SNURF: variants seen among roughly 807,000 people sequenced by gnomAD.
SNURF encodes SNRPN upstream open reading frame.
SNURF carries 6 observed loss-of-function variants against 11.6 expected under a neutral mutation model. The observed-to-expected ratio is 0.52, with a 90% CI of 0.28 to 1.02. SNURF has a LOEUF of 1.02. Ranked by LOEUF, SNURF falls within the 50% of genes least tolerant of loss-of-function variation. The pLI is 0.09. For missense variants in SNURF, 84 were observed against 88.4 expected (o/e 0.95, Z 0.20); for synonymous variants, 29 against 31.6 (o/e 0.92, Z 0.27).
intron 1 of SNURF, among the ~76,000 whole-genome samples, chr15:24,956,201 G>T (rs1033424571): frequency 3.3e-5 from 5 of 152,268 alleles, no homozygotes; most frequent in African/African-American, 9.6e-5. Flanking sequence ...ATGCCTGGGG[G>T]TTACTTTTTT....
chr15:24,978,503 TAG>T (rs1339513904), downstream of SNURF: 2 of 1,496,398 alleles, frequency 1.3e-6, no homozygotes, highest in African/African-American at 1.4e-5. Context: ...TGAAATTGTG[TAG>T]AGTGTTTGTG....
intron 2 of SNURF, among the ~76,000 whole-genome samples, chr15:24,962,984 A>G (rs148562456): frequency 1.8e-3 from 233 of 132,708 alleles, no homozygotes; most frequent in African/African-American, 6.9e-3. Context: ...AGTAAGTCTC[A>G]TTTTAAAGCA....
intron 3 of SNURF, chr15:24,974,216 G>A (rs2076801783): frequency 1.8e-6 from 1 of 544,766 alleles, no homozygotes; most frequent in Non-Finnish European, 3.3e-6. Flanking sequence ...GGATGTTTTT[G>A]AACGTGTCTG....
At chr15:24,965,014 C>G (rs1323933550) in intron 2 of SNURF, among the ~76,000 whole-genome samples, 1 of 152,060 alleles carries the variant, frequency 6.6e-6, no homozygotes, top group Admixed American at 6.6e-5. Context: ...TATAATTTTT[C>G]CCCCTTGTGC....
chr15:24,966,747 A>G (rs1340483500), intron 2 of SNURF, among the ~76,000 whole-genome samples: 1 of 152,154 alleles, frequency 6.6e-6, no homozygotes, highest in Non-Finnish European at 1.5e-5. Context: ...TATTATACAG[A>G]AGCAATTTTA....
chr15:24,968,637 A>G (rs1409623021), downstream of SNURF, among the ~76,000 whole-genome samples: 2 of 152,326 alleles, frequency 1.3e-5, no homozygotes, highest in African/African-American at 4.8e-5. Context: ...TAATTCAAAT[A>G]TGGTTTATGT....
At chr15:24,962,386 A>T (rs181548004) in intron 2 of SNURF, among the ~76,000 whole-genome samples, 177 bp downstream of exon 2, 8 of 152,268 alleles carry the variant, frequency 5.3e-5, no homozygotes, top group South Asian at 4.1e-4. Flanking sequence ...AAAATAATTC[A>T]CCCTCTTAAA....
intron 1 of SNURF, among the ~76,000 whole-genome samples, chr15:24,958,561 G>A (rs368904434): frequency 2.4e-5 from 3 of 127,582 alleles, no homozygotes; most frequent in Admixed American, 1.0e-4. Context: ...GGCTGAACTC[G>A]AACTGCTAGA....
At chr15:24,978,218 G>A, downstream of SNURF, 3 of 1,613,922 alleles carry the variant, frequency 1.9e-6, no homozygotes, top group South Asian at 3.3e-5. Flanking sequence ...CACCTGGTAT[G>A]AGACCACCCA....
At chr15:24,962,560 A>G (rs1248365962) in intron 2 of SNURF, among the ~76,000 whole-genome samples, 3 of 152,162 alleles carry the variant, frequency 2.0e-5, no homozygotes, top group East Asian at 1.9e-4. Flanking sequence ...ATTAATTTAC[A>G]TATTCATTCT....
At chr15:24,966,483 C>T (rs908403614) in intron 2 of SNURF, among the ~76,000 whole-genome samples, 2 of 152,106 alleles carry the variant, frequency 1.3e-5, no homozygotes, top group African/African-American at 4.8e-5. Flanking sequence ...CTGGACATGT[C>T]ACTGAATTCA....
chr15:24,961,748 A>G (rs1399866047), intron 1 of SNURF, among the ~76,000 whole-genome samples: 2 of 152,164 alleles, frequency 1.3e-5, no homozygotes, highest in Admixed American at 6.5e-5. Flanking sequence ...TTTGGAAATC[A>G]GGTTTACTGT....
exon 3 of SNURF, chr15:24,968,049 A>G (rs777204652): frequency 1.2e-6 from 2 of 1,611,674 alleles, no homozygotes; most frequent in African/African-American, 2.7e-5. Flanking sequence ...GCCATATTGG[A>G]GTAGCGAGGA....
chr15:24,958,486 GTTTTTTTT>G (rs71127030), intron 1 of SNURF, among the ~76,000 whole-genome samples: 1,812 of 65,310 alleles, frequency 0.028, 86 homozygotes, highest in African/African-American at 0.091. Flanking sequence ...CTGGCTCAAA[GTTTTTTTT>G]TTTTTTTTTT....
chr15:24,976,230 T>A, intron 4 of SNURF: 1 of 1,123,760 alleles, frequency 8.9e-7, no homozygotes, highest in South Asian at 1.3e-5. Flanking sequence ...AATTGATACT[T>A]GAGGTTGTAT....
downstream of SNURF, among the ~76,000 whole-genome samples, chr15:24,970,560 C>T (rs1047752980): frequency 3.3e-5 from 5 of 152,164 alleles, no homozygotes; most frequent in African/African-American, 1.2e-4. Context: ...GCCTGCGTGA[C>T]AGAGCAAGAC....
chr15:24,974,705 TG>T, intron 3 of SNURF: 1 of 609,864 alleles, frequency 1.6e-6, no homozygotes, highest in African/African-American at 1.9e-5. Context: ...ACTGCAACCC[TG>T]GGTTCAAGAG....
At chr15:24,971,586 C>G (rs977306837), downstream of SNURF, among the ~76,000 whole-genome samples, 1 of 151,790 alleles carries the variant, frequency 6.6e-6, no homozygotes, top group Non-Finnish European at 1.5e-5. Flanking sequence ...TTCTCTAGGT[C>G]TTCAGTTCTT....
chr15:24,955,773 G>A (rs893388435), intron 1 of SNURF, among the ~76,000 whole-genome samples: 3 of 151,696 alleles, frequency 2.0e-5, no homozygotes, highest in African/African-American at 4.8e-5. Context: ...TATTGGCGGC[G>A]GTGGGCATTG....
Sources: gnomAD v4.1 joint callset for allele counts (sites outside exome capture counted in the v4.1 genomes callset) on GRCh38, gnomAD v4.1.1 for gene constraint, MANE v1.5 for transcripts, NCBI Gene and HGNC (gene_info 2026-07-23, HGNC 2026-07-21) for gene names.